Variants in ZFAND3 observed in about 807,000 individuals in gnomAD.
The protein encoded by ZFAND3 is zinc finger AN1-type containing 3.
A neutral mutation model predicts 29.6 loss-of-function variants in ZFAND3; 10 were observed. That is an observed-to-expected ratio of 0.34 (90% CI 0.21 to 0.57). The LOEUF is 0.57. Ranked by LOEUF, ZFAND3 falls within the 20% of genes least tolerant of loss-of-function variation. The probability of loss-of-function intolerance (pLI) is 0.86; values close to 1 mark genes in which losing one functional copy is unlikely to be tolerated. For synonymous variants in ZFAND3, 128 were observed against 112.6 expected (o/e 1.14, Z -0.87); for missense variants, 230 against 304.5 (o/e 0.76, Z 1.82).
Position 38,136,226 on chromosome 6 carries a change from G to A in ZFAND3, c.530-16009G>A, listed in dbSNP as rs188215413. On this transcript the variant is annotated intron_variant, in intron 5 of 5. Coordinates refer to ENST00000287218, the MANE Select transcript of ZFAND3 (RefSeq NM_021943.3). ...GTGGAAATGAGAGGCAGAGCCACCT[G>A]TACTGTCTAGTGTATTGCTATACCC... 2.5e-3 allele frequency among the ~76,000 whole-genome samples: 388 copies of A among 152,298 alleles called. 12 individuals are homozygous for A. The highest frequency in any genetic ancestry group is 0.024 in the Admixed American group (372 of 15,298).
At chr6:37,937,653 CAAA>C (rs71542151) in intron 2 of ZFAND3, among the ~76,000 whole-genome samples, 2 of 85,492 alleles carry the variant, frequency 2.3e-5, no homozygotes, top group Non-Finnish European at 4.2e-5. Flanking sequence ...GACTCCGTCT[CAAA>C]AAAAAAAAAA....
intron 1 of ZFAND3, among the ~76,000 whole-genome samples, chr6:37,866,346 C>T (rs1764590679): frequency 6.6e-6 from 1 of 152,028 alleles, no homozygotes; most frequent in Non-Finnish European, 1.5e-5. Context: ...GTGGTTTGGT[C>T]TATATATAGT....
chr6:38,152,106 A>AC lies in ZFAND3; in HGVS notation c.530-125dup. On this transcript the variant is annotated intron_variant, in intron 5 of 5. Coordinates refer to ENST00000287218, the MANE Select transcript of ZFAND3 (RefSeq NM_021943.3). Reference sequence around the variant, plus strand: ...GAGTGAGCTCTCTGCTGCATCAGGAACCCCTGCAGTGAGTGTTGTCCACTC... The same window carrying AC: ...GAGTGAGCTCTCTGCTGCATCAGGAACCCCCTGCAGTGAGTGTTGTCCACTC... The AC allele has an allele frequency of 3.6e-6, 3 of 837,682 alleles. No homozygotes were observed. The East Asian group carries it at 8.6e-5, about 24-fold the overall frequency. The allele number at this position is 837,682 out of a possible 1,614,324, so 51.9% of individuals were successfully genotyped here. A position where few individuals can be genotyped will look rare whatever the true frequency, so the allele number is the denominator to read the frequency against.
chr6:38,074,079 T>C lies in ZFAND3; in HGVS notation c.296-8313T>C, dbSNP rs533178152. On this transcript the variant is annotated intron_variant, in intron 3 of 5. Coordinates refer to ENST00000287218, the MANE Select transcript of ZFAND3 (RefSeq NM_021943.3). ...GGAAATTGGATCTTATATTAACCTT[T>C]AGGTTCACTGGTTCTATACCAGTGG... Among the ~76,000 whole-genome samples, 36 of 152,274 alleles carry C rather than the reference T, an allele frequency of 2.4e-4. No individual in the cohort carries two copies. The South Asian group carries it at 7.2e-3, about 31-fold the overall frequency.
chr6:38,112,693 A>G (rs1356568839), intron 4 of ZFAND3, among the ~76,000 whole-genome samples: 2 of 152,134 alleles, frequency 1.3e-5, no homozygotes, highest in Non-Finnish European at 2.9e-5. Context: ...GTCTTTTTCT[A>G]ATTGACATAA....
chr6:37,985,527 A>ACACC lies in ZFAND3; in HGVS notation c.112+55529_112+55530insACCC, dbSNP rs753070737. On this transcript the variant is annotated intron_variant, in intron 2 of 5. Transcript: ENST00000287218. ...CACACACACACACACACACACACAC[A>ACACC]CCCCCACACACGCCTGGTGGCACGT... Among the ~76,000 whole-genome samples, 360 of 141,750 alleles carry ACACC rather than the reference A, an allele frequency of 2.5e-3. 3 individuals are homozygous for ACACC. Among genetic ancestry groups the ACACC allele is most frequent in the Admixed American group, 0.014 (197 of 14,154 alleles). The allele number at this position is 141,750 out of a possible 152,430, so 93.0% of individuals were successfully genotyped here.
intron 2 of ZFAND3, among the ~76,000 whole-genome samples, chr6:37,993,395 C>T (rs1762793790): frequency 6.6e-6 from 1 of 151,616 alleles, no homozygotes. Flanking sequence ...GGCGTGATCT[C>T]AGCTCACTGC....
At chr6:38,010,695 G>C (rs1311433432) in intron 2 of ZFAND3, among the ~76,000 whole-genome samples, 1 of 151,438 alleles carries the variant, frequency 6.6e-6, no homozygotes, top group African/African-American at 2.4e-5. Context: ...CGCCTCACGG[G>C]TTCAAGCAAT....
chr6:37,942,260 CAT>C (rs201399942), intron 2 of ZFAND3, among the ~76,000 whole-genome samples: 3 of 148,144 alleles, frequency 2.0e-5, no homozygotes, highest in African/African-American at 7.4e-5. Context: ...TATAAAAGAT[CAT>C]ATATATATAT....
At chr6:37,979,255 C>G (rs575169524) in intron 2 of ZFAND3, among the ~76,000 whole-genome samples, 1 of 152,284 alleles carries the variant, frequency 6.6e-6, no homozygotes, top group East Asian at 1.9e-4. Flanking sequence ...TCCATCTCTG[C>G]TAATTTCAAC....
chr6:37,982,163 C>CA (rs1258602266), intron 2 of ZFAND3, among the ~76,000 whole-genome samples: 1 of 150,886 alleles, frequency 6.6e-6, no homozygotes, highest in Non-Finnish European at 1.5e-5. Flanking sequence ...GTCCTTTGTC[C>CA]ACAAGGAATT....
chr6:37,884,147 T>C (rs1764947241), intron 1 of ZFAND3, among the ~76,000 whole-genome samples: 1 of 145,214 alleles, frequency 6.9e-6, no homozygotes, highest in African/African-American at 2.8e-5. Context: ...ATCAGGGCTT[T>C]ACAAGTGATT....
intron 2 of ZFAND3, among the ~76,000 whole-genome samples, chr6:38,039,104 G>A (rs1384542074): frequency 6.6e-6 from 1 of 152,154 alleles, no homozygotes; most frequent in African/African-American, 2.4e-5. Context: ...TGGCCTAAAG[G>A]AGTTTGCCAG....
intron 3 of ZFAND3, among the ~76,000 whole-genome samples, chr6:38,076,110 CCT>C (rs1764549088): frequency 1.3e-5 from 2 of 152,058 alleles, no homozygotes; most frequent in South Asian, 4.2e-4. Context: ...GCTACCACCC[CCT>C]GATCAGTTAG....
intron 3 of ZFAND3, among the ~76,000 whole-genome samples, chr6:38,073,012 C>G (rs1236325919): frequency 6.6e-6 from 1 of 152,180 alleles, no homozygotes; most frequent in Non-Finnish European, 1.5e-5. Flanking sequence ...ACAGTGTTCA[C>G]TTCTGCCTGT....
intron 1 of ZFAND3, among the ~76,000 whole-genome samples, chr6:37,925,555 T>A (rs1761467802): frequency 6.6e-6 from 1 of 151,890 alleles, no homozygotes; most frequent in South Asian, 2.1e-4. Flanking sequence ...AATAGAAAAA[T>A]TAGCCGGGCG....
chr6:38,005,343 T>C (rs534410945), intron 2 of ZFAND3, among the ~76,000 whole-genome samples: 3 of 152,216 alleles, frequency 2.0e-5, no homozygotes, highest in Admixed American at 1.3e-4. Context: ...ATGGCAGACA[T>C]TGACAGATGG....
intron 1 of ZFAND3, among the ~76,000 whole-genome samples, chr6:37,843,435 C>A (rs1581702452): frequency 6.7e-6 from 1 of 149,886 alleles, no homozygotes; most frequent in African/African-American, 2.5e-5. Flanking sequence ...TGCAGAGAAC[C>A]GAGATCGTGC....
At chr6:37,841,476 TTTTTG>T (rs965804785) in intron 1 of ZFAND3, among the ~76,000 whole-genome samples, 13 of 152,044 alleles carry the variant, frequency 8.6e-5, no homozygotes, top group African/African-American at 2.7e-4. Flanking sequence ...TGTTTTTAAG[TTTTTG>T]TTTTGTTTTG....
Sources: gnomAD v4.1 joint callset for allele counts (sites outside exome capture counted in the v4.1 genomes callset) on GRCh38, gnomAD v4.1.1 for gene constraint, MANE v1.5 for transcripts, NCBI Gene and HGNC (gene_info 2026-07-23, HGNC 2026-07-21) for gene names.